The following ELMO1 variants were observed in gnomAD, a reference collection of about 807,000 sequenced individuals.
The protein encoded by ELMO1 is engulfment and cell motility 1.
ELMO1 carries 26 observed loss-of-function variants against 98.9 expected under a neutral mutation model. That is an observed-to-expected ratio of 0.26 (90% CI 0.19 to 0.36). The LOEUF (loss-of-function observed/expected upper bound fraction) is 0.36, where lower values mean the gene tolerates loss of function less well. Among genes scored for constraint, ELMO1 ranks in the 10% least tolerant of loss-of-function variants. ELMO1 has a pLI of 1.00. For missense variants in ELMO1, 627 were observed against 935.2 expected, an observed-to-expected ratio of 0.67 and a Z score of 4.30; for synonymous variants, 346 against 346.0, an observed-to-expected ratio of 1.00 and a Z score of 0.00.
chr7:37,269,782 A>C (rs1796462030), intron 5 of ELMO1: 3 of 152,084 alleles, frequency 2.0e-5, no homozygotes, highest in Admixed American at 1.3e-4. Flanking sequence ...ACTGGCTTTC[A>C]CATCTTTCCA....
At chr7:37,131,265 C>A (rs1786901531) in intron 14 of ELMO1, among the ~76,000 whole-genome samples, 1 of 152,092 alleles carries the variant, frequency 6.6e-6, no homozygotes, top group African/African-American at 2.4e-5. Context: ...ATCTGAGATA[C>A]AGGAAAGTCT....
At chr7:37,270,233 C>A (rs919010193) in intron 5 of ELMO1, 1 of 152,154 alleles carries the variant, frequency 6.6e-6, no homozygotes, top group Non-Finnish European at 1.5e-5. Context: ...CATGTAGCCA[C>A]TGAAAAATGA....
chr7:37,126,950 A>G (rs1327715380), intron 14 of ELMO1, among the ~76,000 whole-genome samples: 1 of 152,234 alleles, frequency 6.6e-6, no homozygotes, highest in African/African-American at 2.4e-5. Context: ...TGTAATCAAT[A>G]ATAGAAACAT....
intron 16 of ELMO1, among the ~76,000 whole-genome samples, chr7:36,989,452 C>G (rs1027232135): frequency 2.6e-5 from 4 of 152,224 alleles, no homozygotes; most frequent in African/African-American, 9.6e-5. Flanking sequence ...TTCCCAAGCA[C>G]TCCAGGAATT....
rs60918785 is a variant in ELMO1 at position 37,050,609 on chromosome 7, AACACACAC to A, written c.1301-37182_1301-37175del. On this transcript the variant is annotated intron_variant, in intron 15 of 21. Coordinates refer to ENST00000310758, the MANE Select transcript of ELMO1 (RefSeq NM_014800.11). ...AAGAGAGTAGATTTTAGGTGCTCTG[AACACACAC>A]ACACACACACACACACACACACACA... Among the ~76,000 whole-genome samples, 686 of 129,596 alleles carry A rather than the reference AACACACAC, an allele frequency of 5.3e-3. 2 individuals are homozygous for A. Among genetic ancestry groups the A allele is most frequent in the East Asian group, 0.013 (58 of 4,348 alleles). The allele number at this position is 129,596 out of a possible 152,430, so 85.0% of individuals were successfully genotyped here.
At chr7:37,401,228 A>G (rs977474242) in intron 1 of ELMO1, among the ~76,000 whole-genome samples, 1 of 152,178 alleles carries the variant, frequency 6.6e-6, no homozygotes, top group Non-Finnish European at 1.5e-5. Flanking sequence ...ACACAGTTTG[A>G]AAGTGATGGA....
intron 16 of ELMO1, among the ~76,000 whole-genome samples, chr7:36,953,081 T>C (rs1788123288): frequency 6.8e-6 from 1 of 147,288 alleles, no homozygotes; most frequent in African/African-American, 2.5e-5. Context: ...TTCTCCTGCC[T>C]CAGCCTCCCG....
At chr7:37,083,506 T>C (rs1157064798) in intron 15 of ELMO1, among the ~76,000 whole-genome samples, 2 of 152,192 alleles carry the variant, frequency 1.3e-5, no homozygotes, top group African/African-American at 4.8e-5. Flanking sequence ...AATATGTAAT[T>C]ATAAAGCTCA....
intron 16 of ELMO1, among the ~76,000 whole-genome samples, chr7:36,994,103 T>G (rs531738154): frequency 1.3e-5 from 2 of 152,232 alleles, no homozygotes; most frequent in Non-Finnish European, 2.9e-5. Flanking sequence ...ATTTAACATG[T>G]CGCCCTGTGT....
intron 16 of ELMO1, among the ~76,000 whole-genome samples, chr7:37,002,929 A>G (rs1792783787): frequency 6.6e-6 from 1 of 152,178 alleles, no homozygotes; most frequent in Admixed American, 6.5e-5. Context: ...AGCAAGAGGG[A>G]CAACTCAGGG....
At chr7:37,094,414 C>T (rs1784271019) in intron 15 of ELMO1, among the ~76,000 whole-genome samples, 1 of 152,174 alleles carries the variant, frequency 6.6e-6, no homozygotes, top group South Asian at 2.1e-4. Flanking sequence ...GATTGACCAC[C>T]AGGTCCTGGA....
chr7:37,243,647 A>C (rs1456618763), intron 7 of ELMO1, among the ~76,000 whole-genome samples: 1 of 152,166 alleles, frequency 6.6e-6, no homozygotes. Flanking sequence ...TTTCTCTGAG[A>C]GCTTACAAAA....
Position 37,222,624 on chromosome 7 carries a change from C to T in ELMO1, c.771G>A (p.Glu257=). ...INALFLKAPD[E]RRQEMANILA... ...AAGAAATGCAACTTACCTGCCTCCT[C>T]TCATCAGGAGCCTTCAGGAAAAGCG... The change falls in exon 10 of 22, where the codon GAG becomes GAA. Residue 257 remains glutamate (E), a synonymous_variant. Coordinates refer to ENST00000310758, the MANE Select transcript of ELMO1 (RefSeq NM_014800.11). The T allele has an allele frequency of 6.2e-7, 1 of 1,614,032 alleles. No individual in the cohort carries two copies. The highest frequency in any genetic ancestry group is 8.5e-7 in the Non-Finnish European group (1 of 1,179,914).
chr7:36,921,412 A>T (rs1248600289), intron 16 of ELMO1, among the ~76,000 whole-genome samples: 1 of 152,244 alleles, frequency 6.6e-6, no homozygotes, highest in Non-Finnish European at 1.5e-5. Context: ...GGACAAAAAC[A>T]GTATCTAAAG....
chr7:36,961,058 G>C (rs1788907880), intron 16 of ELMO1, among the ~76,000 whole-genome samples: 1 of 152,092 alleles, frequency 6.6e-6, no homozygotes. Context: ...ATCTAAACTG[G>C]CGCAAGACCA....
Position 36,878,018 on chromosome 7 carries a change from T to C in ELMO1, c.1814A>G (p.Gln605Arg), listed in dbSNP as rs779829138. ...PQGEVPHDSLQDKLPVADIKA... is the reference protein window; with the variant it reads ...PQGEVPHDSLRDKLPVADIKA... ...CAAGGAGAGCTACTTACGTTTGTCCTGCAAGGAATCGTGGGGCACTTCTCC... is the reference window on the plus strand; with the variant it reads ...CAAGGAGAGCTACTTACGTTTGTCCCGCAAGGAATCGTGGGGCACTTCTCC... The change falls in exon 19 of 22, where the codon CAG becomes CGG. Residue 605 changes from glutamine (Q) to arginine (R), a missense_variant. Gln to Arg is a conservative substitution (Grantham distance 43). Transcript: ENST00000310758. 10 of 1,613,700 alleles carry C rather than the reference T, an allele frequency of 6.2e-6. No individual in the cohort carries two copies. Among genetic ancestry groups the C allele is most frequent in the Non-Finnish European group, 8.5e-6 (10 of 1,179,710 alleles).
intron 13 of ELMO1, among the ~76,000 whole-genome samples, chr7:37,189,096 T>C (rs1053736414): frequency 3.3e-5 from 5 of 152,234 alleles, no homozygotes; most frequent in African/African-American, 4.8e-5. Context: ...GGTAACAACA[T>C]ATACATTCAA....
intron 1 of ELMO1, among the ~76,000 whole-genome samples, chr7:37,371,859 CCGTTGCTTGAGGTGTG>C (rs1802129092): frequency 6.6e-6 from 1 of 152,146 alleles, no homozygotes; most frequent in South Asian, 2.1e-4. Context: ...CAGCCGATTT[CCGTTGCTTGAGGTGTG>C]ATTATTTGGC....
chr7:36,861,939 A>G (rs1802668573), intron 20 of ELMO1: 3 of 590,094 alleles, frequency 5.1e-6, no homozygotes, highest in Non-Finnish European at 9.1e-6. Context: ...TCTGTGAACT[A>G]TCTCATTTAA....
Sources: gnomAD v4.1 joint callset for allele counts (sites outside exome capture counted in the v4.1 genomes callset) on GRCh38, gnomAD v4.1.1 for gene constraint, MANE v1.5 for transcripts, NCBI Gene and HGNC (gene_info 2026-07-23, HGNC 2026-07-21) for gene names.